TRHDE: variants seen among roughly 807,000 people sequenced by gnomAD.
The protein encoded by TRHDE is thyrotropin-releasing hormone-degrading ectoenzyme.
Under a neutral mutation model 125.7 loss-of-function variants are expected in TRHDE, and 72 were observed. The observed-to-expected ratio is 0.57, with a 90% CI of 0.47 to 0.70. The LOEUF is 0.70. Among genes scored for constraint, TRHDE ranks in the 30% least tolerant of loss-of-function variants. The pLI, the probability that TRHDE is intolerant of heterozygous loss-of-function variation, is 0.00. For missense variants in TRHDE, 1,110 were observed against 1,327.1 expected (o/e 0.84, Z 2.54); for synonymous variants, 509 against 509.1 (o/e 1.00, Z 0.00).
chr12:72,272,842 T>C lies in TRHDE; in HGVS notation c.199T>C (p.Ser67Pro), dbSNP rs536964406. The C allele has an allele frequency of 1.3e-5, 21 of 1,583,294 alleles. No homozygotes were observed. The African/African-American group carries it at 1.7e-4, about 13-fold the overall frequency. Residue 67 changes from serine (S) to proline (P), a missense_variant, in exon 1 of 19, where the codon TCA becomes CCA. By Grantham distance (74) the Ser-to-Pro change is moderately conservative (BLOSUM62 -1). Coordinates refer to ENST00000261180, the MANE Select transcript of TRHDE (RefSeq NM_013381.3). This position sits in a 1 kb window ranked among gnomAD's most constrained non-coding sequence, Gnocchi z 6.7. ...GGGGCTCTCCGACCCGTGGGCAGACTCAGTGGGAGTGCGACCCCGCACCAC... is the reference window on the plus strand; with the variant it reads ...GGGGCTCTCCGACCCGTGGGCAGACCCAGTGGGAGTGCGACCCCGCACCAC... Reference protein sequence around the residue: ...SRGLSDPWADSVGVRPRTTER... With the variant: ...SRGLSDPWADPVGVRPRTTER...
intron 2 of TRHDE, among the ~76,000 whole-genome samples, chr12:72,362,068 G>T (rs1871117951): frequency 1.1e-5 from 1 of 93,020 alleles, no homozygotes; most frequent in Admixed American, 1.2e-4. Flanking sequence ...AGTCCTTTGG[G>T]TATATACCCA....
At chr12:72,436,534 G>A (rs1207585853) in intron 3 of TRHDE, among the ~76,000 whole-genome samples, 1 of 151,740 alleles carries the variant, frequency 6.6e-6, no homozygotes, top group Non-Finnish European at 1.5e-5. Context: ...TTTTTGTTTT[G>A]TTTATTCAAG....
At chr12:72,258,666 G>A (rs940054678) in intron 2 of TRHDE, among the ~76,000 whole-genome samples, 1 of 152,098 alleles carries the variant, frequency 6.6e-6, no homozygotes, top group Non-Finnish European at 1.5e-5. Flanking sequence ...TTGTTCTCAT[G>A]TCTTTATAGT....
chr12:72,621,868 C>A, intron 15 of TRHDE, 117 bp downstream of exon 15: 1 of 744,396 alleles, frequency 1.3e-6, no homozygotes, highest in Non-Finnish European at 2.1e-6. Flanking sequence ...CAAAAGCATG[C>A]AGCAACATTT....
At chr12:72,545,141 A>G (rs1869352340) in intron 7 of TRHDE, among the ~76,000 whole-genome samples, 1 of 151,444 alleles carries the variant, frequency 6.6e-6, no homozygotes, top group South Asian at 2.1e-4. Flanking sequence ...ACTGGACTGA[A>G]TTGAGCTTGA....
intron 2 of TRHDE, among the ~76,000 whole-genome samples, chr12:72,200,966 G>A (rs1037467195): frequency 1.3e-5 from 2 of 152,216 alleles, no homozygotes; most frequent in African/African-American, 2.4e-5. Flanking sequence ...GAGGTCTGGA[G>A]TAGGACAGTG....
At chr12:72,210,864 A>T (rs1877766608) in intron 2 of TRHDE, among the ~76,000 whole-genome samples, 1 of 152,222 alleles carries the variant, frequency 6.6e-6, no homozygotes, top group Non-Finnish European at 1.5e-5. Context: ...TTTTTAAATC[A>T]TTCATAATAC....
intron 13 of TRHDE, among the ~76,000 whole-genome samples, chr12:72,620,717 G>A (rs1009040461): frequency 6.6e-6 from 1 of 152,128 alleles, no homozygotes; most frequent in Non-Finnish European, 1.5e-5. Flanking sequence ...ATGCCTTGTT[G>A]ATATAAAATG....
intron 5 of TRHDE, among the ~76,000 whole-genome samples, chr12:72,486,437 G>A (rs1171854352): frequency 6.6e-6 from 1 of 152,184 alleles, no homozygotes; most frequent in Non-Finnish European, 1.5e-5. Context: ...CTACTGTAGG[G>A]AAGATAAGAA....
chr12:72,318,229 A>G (rs12809188), intron 2 of TRHDE, among the ~76,000 whole-genome samples: 93,299 of 151,860 alleles, frequency 0.61, 29,516 homozygotes, highest in Non-Finnish European at 0.7. Context: ...TCATGGTTGG[A>G]TGATTTTGTG....
intron 3 of TRHDE, among the ~76,000 whole-genome samples, chr12:72,382,401 A>G (rs1210811451): frequency 6.6e-6 from 1 of 152,006 alleles, no homozygotes; most frequent in African/African-American, 2.4e-5. Context: ...AAAAATGTTC[A>G]GTGGGGAGGA....
intron 2 of TRHDE, among the ~76,000 whole-genome samples, chr12:72,114,139 G>T (rs1296972585): frequency 6.6e-6 from 1 of 151,494 alleles, no homozygotes; most frequent in Non-Finnish European, 1.5e-5. Context: ...TATGCCAGGG[G>T]CTCCTGGATC....
intron 2 of TRHDE, among the ~76,000 whole-genome samples, chr12:72,167,966 A>T (rs1203497488): frequency 2.6e-5 from 4 of 152,172 alleles, no homozygotes; most frequent in Non-Finnish European, 5.9e-5. Context: ...AAAAGAGGCT[A>T]ATCCTATATT....
At chr12:72,454,256 G>A (rs1404928809) in intron 3 of TRHDE, among the ~76,000 whole-genome samples, 1 of 152,130 alleles carries the variant, frequency 6.6e-6, no homozygotes, top group African/African-American at 2.4e-5. Context: ...ATAAAATGGA[G>A]TATAATGGTT....
intron 3 of TRHDE, among the ~76,000 whole-genome samples, chr12:72,454,454 A>G (rs1324329632): frequency 6.6e-6 from 1 of 152,214 alleles, no homozygotes; most frequent in Non-Finnish European, 1.5e-5. Context: ...AGGCAGTGCT[A>G]TTATGACATC....
At chr12:72,449,312 C>T (rs892451758) in intron 3 of TRHDE, among the ~76,000 whole-genome samples, 6 of 151,922 alleles carry the variant, frequency 3.9e-5, no homozygotes, top group African/African-American at 1.4e-4. Context: ...ACTACAATGC[C>T]GTGACAGGGG....
intron 2 of TRHDE, among the ~76,000 whole-genome samples, chr12:72,125,339 T>C (rs1393293378): frequency 6.6e-6 from 1 of 152,170 alleles, no homozygotes; most frequent in Admixed American, 6.5e-5. Flanking sequence ...TCACTTATGC[T>C]TTCTTATGGT....
Position 72,273,664 on chromosome 12 carries a change from C to T in TRHDE, c.914+107C>T. 1 of 1,119,546 alleles carries T rather than the reference C, an allele frequency of 8.9e-7. No homozygotes were observed. The highest frequency in any genetic ancestry group is 2.4e-5 in the East Asian group (1 of 42,034). 69.4% of individuals were successfully genotyped at this position (1,119,546 alleles called of 1,614,324 possible). A position where few individuals can be genotyped will look rare whatever the true frequency, so the allele number is the denominator to read the frequency against. On this transcript the variant is annotated intron_variant, in intron 1 of 18. Coordinates refer to ENST00000261180, the MANE Select transcript of TRHDE (RefSeq NM_013381.3). The surrounding 1 kb of genome is among the most constrained non-coding windows in gnomAD (Gnocchi z 5.3). ...CAGCTGGCTTCCAATACCCGGGAAG[C>T]CAGGGGTGGGGGGAAGGAAACGAAA... is the stretch of plus-strand genomic sequence containing the variant.
At chr12:72,541,425 T>C (rs1869142606) in intron 6 of TRHDE, among the ~76,000 whole-genome samples, 1 of 151,552 alleles carries the variant, frequency 6.6e-6, no homozygotes, top group Non-Finnish European at 1.5e-5. Context: ...CATATTATAA[T>C]AATGGTTCTC....
Sources: gnomAD v4.1 joint callset for allele counts (sites outside exome capture counted in the v4.1 genomes callset) on GRCh38, gnomAD v4.1.1 for gene constraint, Gnocchi (gnomAD v3.1) non-coding constraint, MANE v1.5 for transcripts, NCBI Gene and HGNC (gene_info 2026-07-23, HGNC 2026-07-21) for gene names.